NKAIN3: variants seen among roughly 807,000 people sequenced by gnomAD.
NKAIN3 encodes the protein sodium/potassium transporting ATPase interacting 3.
A neutral mutation model predicts 30.2 loss-of-function variants in NKAIN3; 25 were observed. The observed-to-expected ratio is 0.83, with a 90% CI of 0.60 to 1.16. The LOEUF is 1.16. NKAIN3 is among the 50% of genes most tolerant of loss of function. The pLI is 0.00. For synonymous variants in NKAIN3, 91 were observed against 89.6 expected (o/e 1.02, Z -0.09); for missense variants, 225 against 254.1 (o/e 0.89, Z 0.78).
intron 1 of NKAIN3, among the ~76,000 whole-genome samples, chr8:62,279,002 A>T (rs1352800856): frequency 1.3e-5 from 2 of 152,186 alleles, no homozygotes; most frequent in Non-Finnish European, 2.9e-5. Context: ...CCAACAGTGT[A>T]AAAGCTTTCC....
chr8:62,741,996 G>A (rs554709188), intron 3 of NKAIN3, among the ~76,000 whole-genome samples: 8 of 151,924 alleles, frequency 5.3e-5, no homozygotes, highest in African/African-American at 1.9e-4. Context: ...ACTATTCCTT[G>A]ATCATCACGT....
At chr8:62,829,039 G>A (rs2130742089) in intron 4 of NKAIN3, among the ~76,000 whole-genome samples, 1 of 152,230 alleles carries the variant, frequency 6.6e-6, no homozygotes, top group East Asian at 1.9e-4. Flanking sequence ...AAGCTGCTAA[G>A]TTTGGGGAGG....
chr8:62,301,909 T>C lies in NKAIN3; in HGVS notation c.54+52782T>C, dbSNP rs141873852. ...TGCCAATAGAAACTTAAACGTTCTA[T>C]TTCATCTTGGAAAGCCTTACTCCAT... On this transcript the variant is annotated intron_variant, in intron 1 of 6. Coordinates refer to ENST00000623646, the MANE Select transcript of NKAIN3 (RefSeq NM_001304533.3). Among the ~76,000 whole-genome samples, 611 of 152,210 alleles carry C rather than the reference T, an allele frequency of 4.0e-3. 2 individuals are homozygous for C. Among genetic ancestry groups the C allele is most frequent in the African/African-American group, 0.014 (577 of 41,568 alleles).
intron 1 of NKAIN3, among the ~76,000 whole-genome samples, chr8:62,404,268 G>T (rs1206890426): frequency 6.6e-6 from 1 of 152,146 alleles, no homozygotes; most frequent in Non-Finnish European, 1.5e-5. Flanking sequence ...AGTTAATGCT[G>T]GAATAAGAGT....
chr8:62,545,904 G>A (rs926462669), intron 1 of NKAIN3, among the ~76,000 whole-genome samples: 4 of 152,160 alleles, frequency 2.6e-5, no homozygotes, highest in African/African-American at 9.7e-5. Context: ...GGCAGTGTAA[G>A]TCACAAAAAT....
rs144817620 is a variant in NKAIN3, at chr8:62,644,249, G to A, written c.273+54455G>A. ...CTACTAGGCTCCTGCACCATTCTTT[G>A]TAGTTCCCGTAGGTCTTTTTATTGT... On this transcript the variant is annotated intron_variant, in intron 3 of 6. Transcript: ENST00000623646. 6.7e-3 allele frequency among the ~76,000 whole-genome samples: 1,025 copies of A among 152,110 alleles called. 9 individuals carry two copies. Among genetic ancestry groups the A allele is most frequent in the South Asian group, 0.028 (136 of 4,818 alleles).
At chr8:62,787,424 C>T (rs1817557224) in intron 4 of NKAIN3, among the ~76,000 whole-genome samples, 1 of 152,016 alleles carries the variant, frequency 6.6e-6, no homozygotes, top group South Asian at 2.1e-4. Context: ...AAACCTCCTG[C>T]CCCCAAAATC....
chr8:62,746,458 TGCTATAAATTA>T (rs1273729426), intron 3 of NKAIN3, among the ~76,000 whole-genome samples: 3 of 152,220 alleles, frequency 2.0e-5, no homozygotes, highest in Non-Finnish European at 4.4e-5. Context: ...TTATTCAGCC[TGCTATAAATTA>T]GCTTGATCAT....
chr8:62,371,216 A>C (rs1563368974), intron 1 of NKAIN3, among the ~76,000 whole-genome samples: 1 of 151,606 alleles, frequency 6.6e-6, no homozygotes, highest in African/African-American at 2.4e-5. Context: ...GTTTTCTTAT[A>C]TCTCTCTCTC....
At chr8:62,906,126 A>C (rs1821766721) in intron 4 of NKAIN3, among the ~76,000 whole-genome samples, 1 of 152,190 alleles carries the variant, frequency 6.6e-6, no homozygotes, top group African/African-American at 2.4e-5. Context: ...AGGCATGATA[A>C]ATGGAGAAAA....
rs143811540 is a variant in NKAIN3, at chr8:62,398,210, G to T, written c.54+149083G>T. On this transcript the variant is annotated intron_variant, in intron 1 of 6. Coordinates refer to ENST00000623646, the MANE Select transcript of NKAIN3 (RefSeq NM_001304533.3). ...TGCAGGGAAGGGGCCCCTGGGCAAA[G>T]GTGGAATTAAGAAATCTGGTAAAAA... is the stretch of plus-strand genomic sequence containing the variant. 5.2e-3 allele frequency among the ~76,000 whole-genome samples: 787 copies of T among 152,252 alleles called. 6 individuals carry two copies. Among genetic ancestry groups the T allele is most frequent in the African/African-American group, 0.018 (754 of 41,544 alleles).
chr8:62,569,773 GAA>G (rs780887997), intron 1 of NKAIN3, among the ~76,000 whole-genome samples: 2 of 128,990 alleles, frequency 1.6e-5, no homozygotes, highest in African/African-American at 2.9e-5. Context: ...GAGACTGTCT[GAA>G]AAAAAAAAAA....
At chr8:62,964,881 C>T (rs1823664715) in intron 6 of NKAIN3, among the ~76,000 whole-genome samples, 1 of 152,038 alleles carries the variant, frequency 6.6e-6, no homozygotes, top group Non-Finnish European at 1.5e-5. Flanking sequence ...CATGGCCTGG[C>T]CATGCTGACA....
chr8:62,824,408 G>T (rs2130735595), intron 4 of NKAIN3, among the ~76,000 whole-genome samples: 1 of 152,030 alleles, frequency 6.6e-6, no homozygotes, highest in African/African-American at 2.4e-5. Flanking sequence ...CCTACTGGAT[G>T]CCAGACATCT....
At chr8:62,585,816 T>A (rs1056177549) in intron 2 of NKAIN3, among the ~76,000 whole-genome samples, 1 of 152,158 alleles carries the variant, frequency 6.6e-6, no homozygotes, top group African/African-American at 2.4e-5. Flanking sequence ...AGCAGTGAAA[T>A]CATATTTACC....
intron 4 of NKAIN3, among the ~76,000 whole-genome samples, chr8:62,910,593 T>C (rs1821900851): frequency 6.6e-6 from 1 of 152,174 alleles, no homozygotes; most frequent in Admixed American, 6.6e-5. Flanking sequence ...AGAGGGTATT[T>C]AGATTTTTAT....
chr8:62,687,101 G>T (rs1813821214), intron 3 of NKAIN3, among the ~76,000 whole-genome samples: 1 of 152,172 alleles, frequency 6.6e-6, no homozygotes. Context: ...TTTACTGAGT[G>T]CATTTTACAT....
At chr8:62,612,685 T>C (rs1034965227) in intron 3 of NKAIN3, among the ~76,000 whole-genome samples, 5 of 152,066 alleles carry the variant, frequency 3.3e-5, no homozygotes, top group African/African-American at 1.2e-4. Flanking sequence ...TCTTCTTCCT[T>C]CTTTCTTTTC....
Position 62,968,776 on chromosome 8 carries a change from G to A in NKAIN3, c.*3369G>A, listed in dbSNP as rs796539431. 1.3e-4 allele frequency among the ~76,000 whole-genome samples: 20 copies of A among 152,226 alleles called. No homozygotes were observed. The highest frequency in any genetic ancestry group is 3.9e-4 in the African/African-American group (16 of 41,540). On this transcript the variant is annotated 3_prime_UTR_variant, in exon 7 of 7. Transcript: ENST00000623646. ...GTGAATGATGCATCCTTTCTTAAGC[G>A]TCTTCTGCTGACCTCGTGCAGCACC...
Sources: gnomAD v4.1 joint callset for allele counts (sites outside exome capture counted in the v4.1 genomes callset) on GRCh38, gnomAD v4.1.1 for gene constraint, MANE v1.5 for transcripts, NCBI Gene and HGNC (gene_info 2026-07-23, HGNC 2026-07-21) for gene names.